C12orf50: variants seen among roughly 807,000 people sequenced by gnomAD.
C12orf50 encodes the protein zinc finger CCCH-type containing 11D, also known as uncharacterized protein C12orf50.
A neutral mutation model predicts 61.6 loss-of-function variants in C12orf50; 35 were observed. That is an observed-to-expected ratio of 0.57 (90% confidence interval 0.43 to 0.75). C12orf50 has a LOEUF of 0.75. Ranked by LOEUF, C12orf50 falls within the 30% of genes least tolerant of loss-of-function variation. The pLI is 0.00. For synonymous variants in C12orf50, 178 were observed against 161.5 expected, an observed-to-expected ratio of 1.10 and a Z score of -0.77; for missense variants, 475 against 488.5, an observed-to-expected ratio of 0.97 and a Z score of 0.26.
intron 3 of C12orf50, among the ~76,000 whole-genome samples, chr12:88,002,905 T>C (rs1378246900): frequency 2.6e-5 from 4 of 151,854 alleles, no homozygotes; most frequent in Admixed American, 6.6e-5. Flanking sequence ...TTCACTTTTA[T>C]ACTAATTTAA....
intron 7 of C12orf50, among the ~76,000 whole-genome samples, chr12:87,992,712 T>G (rs2031183807): frequency 6.6e-6 from 1 of 152,192 alleles, no homozygotes; most frequent in Non-Finnish European, 1.5e-5. Context: ...GACTATTGAC[T>G]TGGAGAGAAA....
At position 87,989,729 on chromosome 12, in the gene C12orf50, T is replaced by C. The variant is rs529602417; in HGVS notation, c.593-358A>G. On this transcript the variant is annotated intron_variant, in intron 7 of 12. Coordinates refer to ENST00000298699, the MANE Select transcript of C12orf50 (RefSeq NM_152589.3). ...AGATATATTAAAGCAGTTTCCATAT[T>C]TCCCCAAGAACTTCTATTTTCCAGG... 1.7e-4 allele frequency among the ~76,000 whole-genome samples: 26 copies of C among 152,236 alleles called. 1 individual carries two copies. In the East Asian group the frequency reaches 3.1e-3, roughly 18 times the overall value.
In C12orf50 at chr12:87,990,756, T is replaced by G. The variant is rs80031183; in HGVS notation, c.593-1385A>C. Among the ~76,000 whole-genome samples the G allele has an allele frequency of 6.5e-3, 992 of 152,188 alleles. 13 individuals carry two copies. The highest frequency in any genetic ancestry group is 0.023 in the African/African-American group (953 of 41,522). On this transcript the variant is annotated intron_variant, in intron 7 of 12. Coordinates refer to ENST00000298699, the MANE Select transcript of C12orf50 (RefSeq NM_152589.3). ...GAGGTGAAAAAGAAAGAGCCGAAAG[T>G]CTGGGACTATCTAATTGGTTTGAAA...
chr12:88,019,395 T>C (rs2032431295), intron 3 of C12orf50, among the ~76,000 whole-genome samples: 1 of 152,160 alleles, frequency 6.6e-6, no homozygotes, highest in African/African-American at 2.4e-5. Context: ...TAAACTTCCT[T>C]CTTGTAAATT....
intron 9 of C12orf50, among the ~76,000 whole-genome samples, chr12:87,987,036 AC>A (rs1289268972): frequency 1.3e-5 from 2 of 152,146 alleles, no homozygotes; most frequent in African/African-American, 4.8e-5. Context: ...GAATCTTAAA[AC>A]AATTTTGTAG....
Position 87,985,886 on chromosome 12 carries a change from G to A in C12orf50, c.1090C>T (p.His364Tyr), listed in dbSNP as rs1161425212. 1 of 1,613,406 alleles carries A rather than the reference G, an allele frequency of 6.2e-7. No individual in the cohort carries two copies. The highest frequency in any genetic ancestry group is 2.2e-5 in the East Asian group (1 of 44,878). ...TTGGGTTTGGGTTCCCTGTTAGCAT[G>A]GACTTTATTGTAGGACCCATGCGTG... Reference protein sequence around the residue: ...RPTHGSYNKVHANREPKPNLS... With the variant: ...RPTHGSYNKVYANREPKPNLS... The change falls in exon 11 of 13, where the codon CAT (histidine) becomes TAT (tyrosine). Residue 364 changes from histidine to tyrosine, a missense_variant. Transcript: ENST00000298699.
intron 11 of C12orf50, chr12:87,983,794 T>C (rs1487846728): frequency 7.4e-6 from 1 of 135,508 alleles, no homozygotes; most frequent in Non-Finnish European, 1.7e-5. Context: ...CTATCATTGT[T>C]GGACATTTGG....
In C12orf50 at chr12:87,987,886, T is replaced by C. The variant is rs1190019884; in HGVS notation, c.781A>G (p.Asn261Asp). The change falls in exon 9 of 13, where the codon AAT (asparagine) becomes GAT (aspartate). Residue 261 changes from asparagine (N) to aspartate (D), a missense_variant. Transcript: ENST00000298699. ...TCCTCTCTGCACTTCATACTGATAT[T>C]CTCAGTAGCATTTAATACATGCGTT... Reference protein sequence around the residue: ...PTTHVLNATENISMKCREDPS... With the variant: ...PTTHVLNATEDISMKCREDPS... 6.2e-7 allele frequency: 1 copy of C among 1,610,874 alleles called. No homozygotes were observed. The highest frequency in any genetic ancestry group is 8.5e-7 in the Non-Finnish European group (1 of 1,177,840).
chr12:88,013,490 C>A (rs1192002661), intron 3 of C12orf50, among the ~76,000 whole-genome samples: 1 of 152,074 alleles, frequency 6.6e-6, no homozygotes, highest in Non-Finnish European at 1.5e-5. Flanking sequence ...TAGTCATGTG[C>A]AGTTATATAG....
chr12:88,000,865 C>G, intron 3 of C12orf50, among the ~76,000 whole-genome samples: 1 of 151,720 alleles, frequency 6.6e-6, no homozygotes, highest in East Asian at 1.9e-4. Context: ...CAATCCATTA[C>G]TGTATATTAA....
intron 11 of C12orf50, 21 bp downstream of exon 11, chr12:87,985,829 C>T: frequency 1.2e-6 from 2 of 1,610,770 alleles, no homozygotes; most frequent in Non-Finnish European, 1.7e-6. Context: ...AAGAGTAAAC[C>T]ACATCAACAA....
At chr12:87,994,600 T>C (rs1012609794) in intron 7 of C12orf50, 33 bp downstream of exon 7, 1 of 1,371,118 alleles carries the variant, frequency 7.3e-7, no homozygotes, top group Non-Finnish European at 1.0e-6. Context: ...TGTGGTGATA[T>C]ATTCAGGGTC....
chr12:88,016,773 C>T (rs1330783365), intron 3 of C12orf50, among the ~76,000 whole-genome samples: 5 of 152,124 alleles, frequency 3.3e-5, no homozygotes, highest in African/African-American at 1.2e-4. Flanking sequence ...ATGGTACTTT[C>T]ATTCTATAGG....
At chr12:88,020,008 C>A (rs930700749) in intron 3 of C12orf50, among the ~76,000 whole-genome samples, 2 of 152,166 alleles carry the variant, frequency 1.3e-5, no homozygotes, top group Non-Finnish European at 2.9e-5. Flanking sequence ...TTTTTTACCA[C>A]CAGACATGCC....
chr12:88,021,033 C>T (rs1365069614), intron 3 of C12orf50, among the ~76,000 whole-genome samples: 1 of 152,026 alleles, frequency 6.6e-6, no homozygotes, highest in Admixed American at 6.6e-5. Flanking sequence ...ATACAGCTAA[C>T]TCAGTATTAA....
intron 8 of C12orf50, among the ~76,000 whole-genome samples, 159 bp from the exon 9 acceptor site, chr12:87,988,125 G>A (rs1332516318): frequency 2.0e-5 from 3 of 152,130 alleles, no homozygotes; most frequent in African/African-American, 7.2e-5. Flanking sequence ...ACATTCCCTA[G>A]TTGCCACGTG....
chr12:87,981,850 C>T (rs1275325713), intron 12 of C12orf50, among the ~76,000 whole-genome samples: 2 of 152,030 alleles, frequency 1.3e-5, no homozygotes, highest in African/African-American at 4.8e-5. Flanking sequence ...TTCCCCCTAA[C>T]CCAGATAACA....
chr12:88,000,567 A>G (rs1430515209), intron 3 of C12orf50, among the ~76,000 whole-genome samples: 1 of 151,830 alleles, frequency 6.6e-6, no homozygotes, highest in African/African-American at 2.4e-5. Context: ...CAGCTTCTCA[A>G]TTTCTGCAAA....
rs150563147 is a variant in C12orf50, at chr12:88,017,258, T to C, written c.133+9230A>G. On this transcript the variant is annotated intron_variant, in intron 3 of 12. Coordinates refer to ENST00000298699, the MANE Select transcript of C12orf50 (RefSeq NM_152589.3). ...GGTCTTTTCTGTGCCGTTCTCATGA[T>C]AGTGAATAAGTCTCATGAGACCTGA... Among the ~76,000 whole-genome samples the C allele has an allele frequency of 3.8e-3, 573 of 152,298 alleles. 3 individuals are homozygous for C. Among genetic ancestry groups the C allele is most frequent in the African/African-American group, 0.013 (557 of 41,574 alleles).
Sources: gnomAD v4.1 joint callset for allele counts (sites outside exome capture counted in the v4.1 genomes callset) on GRCh38, gnomAD v4.1.1 for gene constraint, MANE v1.5 for transcripts, NCBI Gene and HGNC (gene_info 2026-07-23, HGNC 2026-07-21) for gene names.